The following SH2D4A variants were observed in gnomAD, a reference collection of about 807,000 sequenced individuals.
SH2D4A encodes the protein SH2 domain containing 4A.
Under a neutral mutation model 64.7 loss-of-function variants are expected in SH2D4A, and 70 were observed. The ratio of observed to expected loss-of-function variants is 1.08; its 90% CI spans 0.89 to 1.32. The LOEUF is 1.32. Ranked by LOEUF, SH2D4A falls within the 40% of genes most tolerant of loss-of-function variation. The probability of loss-of-function intolerance (pLI) is 0.00; values close to 1 mark genes in which losing one functional copy is unlikely to be tolerated. For synonymous variants in SH2D4A, 268 were observed against 200.7 expected (o/e 1.34, Z -2.83); for missense variants, 706 against 540.1 (o/e 1.31, Z -3.04).
At chr8:19,356,478 A>T (rs1364041064) in intron 4 of SH2D4A, among the ~76,000 whole-genome samples, 1 of 152,118 alleles carries the variant, frequency 6.6e-6, no homozygotes, top group Non-Finnish European at 1.5e-5. Context: ...CCATGTTGGG[A>T]CTTAGCTTAG....
chr8:19,345,387 T>A (rs761560504), intron 4 of SH2D4A, among the ~76,000 whole-genome samples: 2 of 152,244 alleles, frequency 1.3e-5, no homozygotes, highest in Non-Finnish European at 2.9e-5. Context: ...ATGTTTTTTC[T>A]TATCACTACT....
intron 4 of SH2D4A, among the ~76,000 whole-genome samples, chr8:19,340,985 A>G (rs1056655658): frequency 1.3e-5 from 2 of 152,220 alleles, no homozygotes; most frequent in Admixed American, 6.5e-5. Context: ...GAAACAAACA[A>G]TACAATACCA....
chr8:19,353,992 A>ATTT (rs56334713), intron 4 of SH2D4A, among the ~76,000 whole-genome samples: 2 of 133,628 alleles, frequency 1.5e-5, no homozygotes, highest in Non-Finnish European at 3.2e-5. Flanking sequence ...TTTTCAACTA[A>ATTT]TTTTTTTTTT....
intron 4 of SH2D4A, among the ~76,000 whole-genome samples, chr8:19,346,015 CAGA>C (rs2117242830): frequency 6.6e-6 from 1 of 152,310 alleles, no homozygotes; most frequent in Non-Finnish European, 1.5e-5. Context: ...ACAATCTTTA[CAGA>C]AGATTTTCAA....
intron 7 of SH2D4A, among the ~76,000 whole-genome samples, chr8:19,369,774 T>C (rs1031625503): frequency 2.8e-4 from 43 of 152,156 alleles, no homozygotes; most frequent in African/African-American, 1.0e-3. Context: ...CCACTCTTCA[T>C]TTCATTCATA....
At chr8:19,383,870 A>G (rs1308749198) in intron 8 of SH2D4A, among the ~76,000 whole-genome samples, 3 of 152,180 alleles carry the variant, frequency 2.0e-5, no homozygotes, top group African/African-American at 7.2e-5. Flanking sequence ...TAGATTACCT[A>G]GGTTTGAGTT....
chr8:19,340,464 G>A (rs1326071673), intron 4 of SH2D4A, among the ~76,000 whole-genome samples: 1 of 152,114 alleles, frequency 6.6e-6, no homozygotes, highest in Non-Finnish European at 1.5e-5. Flanking sequence ...TCATCAGGAT[G>A]GACAGGCGTG....
intron 6 of SH2D4A, among the ~76,000 whole-genome samples, chr8:19,361,562 A>G (rs564376206): frequency 6.7e-5 from 10 of 148,524 alleles, no homozygotes; most frequent in African/African-American, 1.6e-4. Flanking sequence ...AGCATGATAT[A>G]TAGCTATGGA....
At chr8:19,352,961 G>C (rs1220400147) in intron 4 of SH2D4A, among the ~76,000 whole-genome samples, 1 of 152,128 alleles carries the variant, frequency 6.6e-6, no homozygotes, top group Non-Finnish European at 1.5e-5. Flanking sequence ...AGTGAGCCCT[G>C]ATCATGCCAC....
intron 8 of SH2D4A, among the ~76,000 whole-genome samples, chr8:19,385,385 A>G (rs548413812): frequency 2.0e-5 from 3 of 152,052 alleles, no homozygotes; most frequent in South Asian, 2.1e-4. Flanking sequence ...TAAGTTTTGT[A>G]TTTTTAGTAG....
At chr8:19,382,024 A>G (rs2053301824) in intron 8 of SH2D4A, among the ~76,000 whole-genome samples, 1 of 152,074 alleles carries the variant, frequency 6.6e-6, no homozygotes, top group Non-Finnish European at 1.5e-5. Context: ...CTGCTGGATT[A>G]ATTTTGATAG....
chr8:19,380,653 T>G (rs2053277852), intron 8 of SH2D4A, among the ~76,000 whole-genome samples: 2 of 152,244 alleles, frequency 1.3e-5, no homozygotes, highest in African/African-American at 4.8e-5. Flanking sequence ...TGAATGGTGT[T>G]AGCACCTTTG....
intron 8 of SH2D4A, among the ~76,000 whole-genome samples, chr8:19,392,274 A>C (rs1312742530): frequency 6.6e-6 from 1 of 152,190 alleles, no homozygotes; most frequent in Non-Finnish European, 1.5e-5. Flanking sequence ...TCATTTAGCA[A>C]TAGCTACAGG....
chr8:19,366,760 C>G (rs1193094868), intron 7 of SH2D4A, among the ~76,000 whole-genome samples: 1 of 152,190 alleles, frequency 6.6e-6, no homozygotes, highest in Non-Finnish European at 1.5e-5. Context: ...CCACTGCACT[C>G]CAGCCTGGAT....
chr8:19,321,234 G>C (rs1011123420), intron 2 of SH2D4A, among the ~76,000 whole-genome samples: 1 of 151,950 alleles, frequency 6.6e-6, no homozygotes, highest in Non-Finnish European at 1.5e-5. Flanking sequence ...GTTTGTTTGA[G>C]ATGGAGTCTC....
At chr8:19,317,376 A>G (rs2052107587) in intron 1 of SH2D4A, among the ~76,000 whole-genome samples, 1 of 148,414 alleles carries the variant, frequency 6.7e-6, no homozygotes, top group South Asian at 2.1e-4. Context: ...AAAGTTGGCA[A>G]GTGGATCTGG....
chr8:19,350,876 G>A, intron 4 of SH2D4A, among the ~76,000 whole-genome samples: 1 of 152,148 alleles, frequency 6.6e-6, no homozygotes, highest in East Asian at 1.9e-4. Flanking sequence ...TCTGTGCGTG[G>A]ATTTTGCTTG....
chr8:19,364,559 A>ACCCCACTCTCCCCTTTCCCTC (rs1167405869), intron 7 of SH2D4A, among the ~76,000 whole-genome samples: 2 of 151,378 alleles, frequency 1.3e-5, no homozygotes, highest in East Asian at 3.9e-4. Flanking sequence ...CCGTGTCCCT[A>ACCCCACTCTCCCCTTTCCCTC]CCCCACTCTC....
intron 8 of SH2D4A, among the ~76,000 whole-genome samples, chr8:19,390,806 C>A (rs768155945): frequency 1.4e-4 from 22 of 152,132 alleles, no homozygotes; most frequent in Non-Finnish European, 2.8e-4. Context: ...AAGATCTATG[C>A]GTAAGGCTAA....
Sources: allele counts gnomAD v4.1 joint callset (sites outside exome capture counted in the v4.1 genomes callset), GRCh38; gene constraint gnomAD v4.1.1; transcripts MANE v1.5; gene names NCBI Gene and HGNC (gene_info 2026-07-23, HGNC 2026-07-21).